The following ATF7 variants were observed in gnomAD, a reference collection of about 807,000 sequenced individuals.
ATF7 encodes the protein activating transcription factor 7, also known as cyclic AMP-dependent transcription factor ATF-7.
Under a neutral mutation model 50.4 loss-of-function variants are expected in ATF7, and 10 were observed. The observed-to-expected ratio is 0.20, with a 90% CI of 0.12 to 0.34. The LOEUF is 0.34. ATF7 is among the 10% of genes least tolerant of loss of function. The pLI, the probability that ATF7 is intolerant of heterozygous loss-of-function variation, is 1.00. For missense variants in ATF7, 465 were observed against 613.9 expected (o/e 0.76, Z 2.56); for synonymous variants, 201 against 226.4 (o/e 0.89, Z 1.01).
At chr12:53,624,235 G>A (rs1479939727) in intron 1 of ATF7, among the ~76,000 whole-genome samples, 1 of 152,202 alleles carries the variant, frequency 6.6e-6, no homozygotes, top group Non-Finnish European at 1.5e-5. Flanking sequence ...AGTAGTTAAT[G>A]CTAACGGGTC....
At chr12:53,529,285 C>T (rs762912781) in intron 9 of ATF7, among the ~76,000 whole-genome samples, 84 of 152,258 alleles carry the variant, frequency 5.5e-4, no homozygotes, top group Non-Finnish European at 1.1e-3. Context: ...CCGCAACCTC[C>T]GCCTCCCGGG....
In ATF7 at chr12:53,537,539, G is replaced by A. The variant is rs746973760; in HGVS notation, c.278C>T (p.Pro93Leu). 9 of 1,613,376 alleles carry A rather than the reference G, an allele frequency of 5.6e-6. No individual in the cohort carries two copies. Among genetic ancestry groups the A allele is most frequent in the South Asian group, 1.1e-5 (1 of 91,050 alleles). ...DEDEKKAAAG[P>L]LDMSLPSTPD... ...TGTGGAAGGCAGAGACATGTCAAGG[G>A]GCCCAGCAGCAGCCTGTTGTGAAAG... The change falls in exon 5 of 12, where the codon CCC (proline) becomes CTC (leucine). Residue 93 changes from proline (P) to leucine (L), a missense_variant. Coordinates refer to ENST00000420353, the MANE Select transcript of ATF7 (RefSeq NM_006856.3).
chr12:53,601,153 G>A (rs1943386527), intron 1 of ATF7, 132 bp from the exon 2 acceptor site: 1 of 652,484 alleles, frequency 1.5e-6, no homozygotes, highest in South Asian at 1.9e-5. Context: ...TGTAAACACA[G>A]GCTACTTTGG....
At chr12:53,509,683 T>G (rs1269823620), downstream of ATF7, among the ~76,000 whole-genome samples, 1 of 152,002 alleles carries the variant, frequency 6.6e-6, no homozygotes, top group African/African-American at 2.4e-5. Flanking sequence ...TTTTTGTATT[T>G]TTAGTAGAGA....
At chr12:53,611,049 A>T (rs1943852891) in intron 1 of ATF7, among the ~76,000 whole-genome samples, 1 of 151,952 alleles carries the variant, frequency 6.6e-6, no homozygotes, top group South Asian at 2.1e-4. Flanking sequence ...CTGGTCTCAA[A>T]ATTCCTGGGC....
At chr12:53,544,503 T>A (rs1592832714) in intron 3 of ATF7, among the ~76,000 whole-genome samples, 1 of 151,996 alleles carries the variant, frequency 6.6e-6, no homozygotes, top group Non-Finnish European at 1.5e-5. Flanking sequence ...TCCCAGCACG[T>A]TGGGAGGCTG....
chr12:53,601,067 AGC>A, intron 1 of ATF7, 46 bp from the exon 2 acceptor site: 4 of 1,241,952 alleles, frequency 3.2e-6, no homozygotes, highest in Admixed American at 2.6e-5. Flanking sequence ...AATATGCTGG[AGC>A]AAAAAAAAAA....
intron 11 of ATF7, 113 bp downstream of exon 11, chr12:53,523,163 G>A: frequency 1.3e-6 from 1 of 799,626 alleles, no homozygotes; most frequent in Non-Finnish European, 2.1e-6. Context: ...TCACTCATCA[G>A]CGTGGGGTCC....
chr12:53,588,040 G>C (rs1942796888), intron 2 of ATF7, among the ~76,000 whole-genome samples: 1 of 151,598 alleles, frequency 6.6e-6, no homozygotes, highest in African/African-American at 2.4e-5. Flanking sequence ...AGTAGAGACA[G>C]GGTTTCACCA....
chr12:53,547,872 G>A (rs1038713785), intron 3 of ATF7, among the ~76,000 whole-genome samples: 5 of 151,784 alleles, frequency 3.3e-5, no homozygotes, highest in African/African-American at 1.2e-4. Context: ...AGCTATGTAT[G>A]TATGTATGTA....
At chr12:53,545,649 A>T (rs968583769) in intron 3 of ATF7, among the ~76,000 whole-genome samples, 5 of 152,074 alleles carry the variant, frequency 3.3e-5, no homozygotes, top group African/African-American at 1.2e-4. Context: ...AAAATCAGTA[A>T]GTTTTTACTG....
chr12:53,573,409 C>A (rs1221532054), intron 2 of ATF7, among the ~76,000 whole-genome samples: 1 of 152,128 alleles, frequency 6.6e-6, no homozygotes, highest in Non-Finnish European at 1.5e-5. Context: ...TACTTTAAAT[C>A]ATCTCTAGAT....
chr12:53,543,069 C>T (rs1012200348), intron 4 of ATF7: 24 of 1,320,554 alleles, frequency 1.8e-5, no homozygotes, highest in East Asian at 8.3e-5. Flanking sequence ...TTTAAAAAAC[C>T]GATTATTAAA....
intron 2 of ATF7, among the ~76,000 whole-genome samples, chr12:53,567,243 GTT>G (rs1280079822): frequency 1.3e-5 from 2 of 152,158 alleles, no homozygotes; most frequent in African/African-American, 4.8e-5. Context: ...GCTGAATTCT[GTT>G]TTCTTTTTCA....
At chr12:53,616,673 T>C (rs1053632238) in intron 1 of ATF7, among the ~76,000 whole-genome samples, 16 of 152,056 alleles carry the variant, frequency 1.1e-4, no homozygotes, top group African/African-American at 3.9e-4. Context: ...CCGGGTGCGG[T>C]GGCTCATTCC....
intron 2 of ATF7, among the ~76,000 whole-genome samples, chr12:53,564,815 C>T (rs1941354891): frequency 1.3e-5 from 2 of 152,122 alleles, no homozygotes; most frequent in Admixed American, 6.6e-5. Flanking sequence ...ACATGCAGCC[C>T]GGAATGGCTT....
At chr12:53,546,818 C>A (rs1256133132) in intron 3 of ATF7, among the ~76,000 whole-genome samples, 1 of 148,510 alleles carries the variant, frequency 6.7e-6, no homozygotes, top group Non-Finnish European at 1.5e-5. Context: ...AGAGCAGTGA[C>A]ACGATCTCGG....
chr12:53,583,992 T>A (rs1036663068), intron 2 of ATF7, among the ~76,000 whole-genome samples: 4 of 152,206 alleles, frequency 2.6e-5, no homozygotes, highest in Non-Finnish European at 5.9e-5. Flanking sequence ...ATTAGTATTA[T>A]TTTTTGAGAC....
intron 1 of ATF7, among the ~76,000 whole-genome samples, chr12:53,620,600 A>G (rs12818354): frequency 8.9e-6 from 1 of 112,652 alleles, no homozygotes; most frequent in African/African-American, 3.1e-5. Context: ...AAAAAAAAAT[A>G]CAAAAATTAG....
Sources: gnomAD v4.1 joint callset for allele counts (sites outside exome capture counted in the v4.1 genomes callset) on GRCh38, gnomAD v4.1.1 for gene constraint, MANE v1.5 for transcripts, NCBI Gene and HGNC (gene_info 2026-07-23, HGNC 2026-07-21) for gene names.